Variants in EHBP1 observed in about 807,000 individuals in gnomAD.
The protein encoded by EHBP1 is EH domain binding protein 1.
EHBP1 carries 55 observed loss-of-function variants against 144.0 expected under a neutral mutation model. The observed-to-expected ratio is 0.38, with a 90% CI of 0.31 to 0.48. The LOEUF (loss-of-function observed/expected upper bound fraction) is 0.48, where lower values mean the gene tolerates loss of function less well. Ranked by LOEUF, EHBP1 falls within the 20% of genes least tolerant of loss-of-function variation. EHBP1 has a pLI of 0.98. For missense variants in EHBP1, 1,200 were observed against 1,364.2 expected (o/e 0.88, Z 1.90); for synonymous variants, 469 against 472.7 (o/e 0.99, Z 0.10).
intron 19 of EHBP1, among the ~76,000 whole-genome samples, chr2:62,999,534 A>G (rs1161504265): frequency 6.6e-6 from 1 of 152,048 alleles, no homozygotes; most frequent in Non-Finnish European, 1.5e-5. Context: ...TACTTTTTCT[A>G]TGAATTTGCT....
At chr2:62,884,909 A>G (rs1290697786) in intron 10 of EHBP1, among the ~76,000 whole-genome samples, 3 of 152,246 alleles carry the variant, frequency 2.0e-5, no homozygotes, top group African/African-American at 4.8e-5. Context: ...ACATCAAAAC[A>G]TTTCTGTTAA....
At chr2:62,769,303 A>C (rs2041445239) in intron 4 of EHBP1, among the ~76,000 whole-genome samples, 1 of 152,242 alleles carries the variant, frequency 6.6e-6, no homozygotes, top group South Asian at 2.1e-4. Context: ...AAATAACTTC[A>C]GCAAAGTTTT....
At chr2:62,970,639 T>C (rs990258226) in intron 14 of EHBP1, among the ~76,000 whole-genome samples, 1 of 152,180 alleles carries the variant, frequency 6.6e-6, no homozygotes, top group African/African-American at 2.4e-5. Context: ...TAATGTCAGT[T>C]GGTGACATTT....
chr2:62,888,723 T>G lies in EHBP1; in HGVS notation c.1185+14191T>G, dbSNP rs541844980. 3.3e-5 allele frequency among the ~76,000 whole-genome samples: 5 copies of G among 152,320 alleles called. No individual in the cohort carries two copies. In the South Asian group the frequency reaches 1.0e-3, roughly 32 times the overall value. ...TTGCTGTATATTGGCAGGGCTACTT[T>G]AGGGCATATTACTGATGATAAATGT... On this transcript the variant is annotated intron_variant, in intron 10 of 22. Transcript: ENST00000431489.
At chr2:62,849,705 C>T (rs908572713) in intron 7 of EHBP1, among the ~76,000 whole-genome samples, 5 of 152,162 alleles carry the variant, frequency 3.3e-5, no homozygotes, top group African/African-American at 1.2e-4. Context: ...TCGGTTCATT[C>T]ATTCATTCAT....
intron 10 of EHBP1, among the ~76,000 whole-genome samples, chr2:62,924,687 A>G (rs1216883085): frequency 1.3e-5 from 2 of 152,246 alleles, no homozygotes; most frequent in African/African-American, 4.8e-5. Flanking sequence ...ACCAATAAGT[A>G]AAAAGATTGA....
chr2:62,806,252 G>A (rs1280195227), intron 5 of EHBP1, among the ~76,000 whole-genome samples: 1 of 152,146 alleles, frequency 6.6e-6, no homozygotes, highest in African/African-American at 2.4e-5. Flanking sequence ...CCAAAGTGCT[G>A]GGATTGCAGG....
At chr2:62,815,521 T>A (rs2045371139) in intron 5 of EHBP1, among the ~76,000 whole-genome samples, 1 of 152,102 alleles carries the variant, frequency 6.6e-6, no homozygotes, top group African/African-American at 2.4e-5. Flanking sequence ...AAGGAGAAAG[T>A]TTTTCAAGAA....
chr2:62,702,141 T>C (rs946966693), upstream of EHBP1, among the ~76,000 whole-genome samples: 3 of 152,224 alleles, frequency 2.0e-5, no homozygotes, highest in Non-Finnish European at 2.9e-5. Flanking sequence ...TGAAAATAAT[T>C]TCTGTCATTT....
At chr2:62,775,633 G>A (rs2042004775) in intron 5 of EHBP1, among the ~76,000 whole-genome samples, 1 of 152,160 alleles carries the variant, frequency 6.6e-6, no homozygotes, top group South Asian at 2.1e-4. Context: ...TAAAACAGAA[G>A]TCTCCAAATA....
intron 2 of EHBP1, among the ~76,000 whole-genome samples, chr2:62,708,507 T>A (rs1225772874): frequency 6.6e-6 from 1 of 152,224 alleles, no homozygotes; most frequent in East Asian, 1.9e-4. Context: ...GTTATTTAAC[T>A]TCTCCGTGAT....
At chr2:62,931,420 C>G (rs887473091) in intron 10 of EHBP1, among the ~76,000 whole-genome samples, 1 of 152,132 alleles carries the variant, frequency 6.6e-6, no homozygotes, top group African/African-American at 2.4e-5. Context: ...AATTAGTACC[C>G]TTGTGCACTG....
At chr2:62,861,183 G>A (rs931996550) in intron 8 of EHBP1, among the ~76,000 whole-genome samples, 2 of 138,574 alleles carry the variant, frequency 1.4e-5, no homozygotes, top group African/African-American at 2.7e-5. Flanking sequence ...AGGCTGGAGT[G>A]CAGTGGCACA....
intron 19 of EHBP1, among the ~76,000 whole-genome samples, chr2:63,000,493 C>T (rs927661653): frequency 5.3e-5 from 8 of 151,598 alleles, no homozygotes; most frequent in Admixed American, 1.3e-4. Flanking sequence ...GTCTGGAGTT[C>T]GAGACCAGCC....
intron 20 of EHBP1, among the ~76,000 whole-genome samples, chr2:63,038,225 C>T (rs573992812): frequency 2.1e-4 from 32 of 152,022 alleles, no homozygotes; most frequent in South Asian, 1.5e-3. Context: ...TGCCACCTAG[C>T]GTGAGAATGA....
At chr2:62,759,498 C>T (rs909638244) in intron 3 of EHBP1, among the ~76,000 whole-genome samples, 2 of 152,062 alleles carry the variant, frequency 1.3e-5, no homozygotes, top group African/African-American at 4.8e-5. Flanking sequence ...CTCCACCTCC[C>T]TGGTTCAAGC....
chr2:62,892,255 A>G (rs1191354732), intron 10 of EHBP1, among the ~76,000 whole-genome samples: 3 of 151,880 alleles, frequency 2.0e-5, no homozygotes, highest in Admixed American at 6.6e-5. Flanking sequence ...TTTCTGTGTA[A>G]CTCTTCTTAA....
upstream of EHBP1, among the ~76,000 whole-genome samples, chr2:62,705,472 G>A (rs774939547): frequency 2.0e-4 from 31 of 151,810 alleles, no homozygotes; most frequent in Non-Finnish European, 4.1e-4. Flanking sequence ...GGGCGGGATC[G>A]TCCTTAGTCG....
At chr2:62,921,238 A>G (rs1207901396) in intron 10 of EHBP1, among the ~76,000 whole-genome samples, 1 of 151,904 alleles carries the variant, frequency 6.6e-6, no homozygotes, top group African/African-American at 2.4e-5. Context: ...TTGAGCTCAC[A>G]AGTTTGAGAC....
Sources: gnomAD v4.1 joint callset for allele counts (sites outside exome capture counted in the v4.1 genomes callset) on GRCh38, gnomAD v4.1.1 for gene constraint, MANE v1.5 for transcripts, NCBI Gene and HGNC (gene_info 2026-07-23, HGNC 2026-07-21) for gene names.